The following MBTPS1 variants were observed in gnomAD, a reference collection of about 807,000 sequenced individuals.
The protein encoded by MBTPS1 is membrane-bound transcription factor site-1 protease.
A neutral mutation model predicts 127.8 loss-of-function variants in MBTPS1; 94 were observed. The observed-to-expected ratio is 0.74, with a 90% CI of 0.62 to 0.87. The LOEUF (loss-of-function observed/expected upper bound fraction) is 0.87, where lower values mean the gene tolerates loss of function less well. MBTPS1 is among the 40% of genes least tolerant of loss of function. The probability of loss-of-function intolerance (pLI) is 0.00; values close to 1 mark genes in which losing one functional copy is unlikely to be tolerated. For synonymous variants in MBTPS1, 632 were observed against 509.4 expected, an observed-to-expected ratio of 1.24 and a Z score of -3.24; for missense variants, 1,636 against 1,353.2, an observed-to-expected ratio of 1.21 and a Z score of -3.28.
At position 84,059,413 on chromosome 16, in the gene MBTPS1, C is replaced by T. The variant is rs746806114; in HGVS notation, c.2720G>A (p.Arg907Gln). 1.4e-5 allele frequency: 23 copies of T among 1,612,658 alleles called. No individual in the cohort carries two copies. The highest frequency in any genetic ancestry group is 2.7e-5 in the African/African-American group (2 of 74,826). ...PERMEGNHLH[R>Q]YSKVLEAHLG... ...ATGGGCCTCCAGAACCTTGGAGTAC[C>T]GATGAAGATGGTTTCCTGTGGTTAG... The change falls in exon 21 of 23, where the codon CGG becomes CAG. Residue 907 changes from arginine (R) to glutamine (Q), a missense_variant. Arg to Gln is a conservative substitution (Grantham distance 43, BLOSUM62 1). Coordinates refer to ENST00000343411, the MANE Select transcript of MBTPS1 (RefSeq NM_003791.4).
intron 19 of MBTPS1, among the ~76,000 whole-genome samples, chr16:84,062,611 C>T (rs1038854274): frequency 3.9e-5 from 6 of 152,150 alleles, no homozygotes; most frequent in South Asian, 4.1e-4. Context: ...TAGAAGGTTG[C>T]CTTTCAGTCC....
intron 1 of MBTPS1, among the ~76,000 whole-genome samples, chr16:84,113,318 C>T (rs1008798021): frequency 6.6e-6 from 1 of 152,178 alleles, no homozygotes; most frequent in Non-Finnish European, 1.5e-5. Context: ...ACCTGGTTAT[C>T]TTTCCATATA....
At position 84,061,086 on chromosome 16, in the gene MBTPS1, G is replaced by A. The variant is rs145452769; in HGVS notation, c.2573-273C>T. 125 of 238,666 alleles carry A rather than the reference G, an allele frequency of 5.2e-4. 2 individuals carry two copies. Among genetic ancestry groups the A allele is most frequent in the African/African-American group, 2.6e-3 (115 of 44,756 alleles). The allele number at this position is 238,666 out of a possible 1,614,324, so 14.8% of individuals were successfully genotyped here. On this transcript the variant is annotated intron_variant, in intron 19 of 22. Transcript: ENST00000343411. ...TCTTGCCTCAGCCTCCCAAAGTGCT[G>A]GGATTATAGGTGTGAGCCACCACAC...
At position 84,099,127 on chromosome 16, in the gene MBTPS1, G is replaced by A. The variant is rs772793815; in HGVS notation, c.347C>T (p.Thr116Ile). The A allele has an allele frequency of 1.9e-6, 3 of 1,614,160 alleles. No homozygotes were observed. Among genetic ancestry groups the A allele is most frequent in the East Asian group, 2.2e-5 (1 of 44,882 alleles). The change falls in exon 3 of 23, where the codon ACA (threonine) becomes ATA (isoleucine). Residue 116 changes from threonine (T) to isoleucine (I), a missense_variant. Thr to Ile is a moderately conservative substitution (Grantham distance 89). Transcript: ENST00000343411. ...TTTGATGTTTGGATGATCTTCAAGT[G>A]TTAGCAGCCCCGCTTTCTGTTTTTC... ...IKEKQKAGLL[T>I]LEDHPNIKRV...
intron 2 of MBTPS1, 138 bp from the exon 3 acceptor site, chr16:84,099,448 A>G (rs2086224562): frequency 1.2e-6 from 1 of 852,630 alleles, no homozygotes; most frequent in South Asian, 1.8e-5. Flanking sequence ...CACAAAGACT[A>G]GTTTAAGTAC....
chr16:84,087,581 T>C, intron 8 of MBTPS1, 121 bp from the exon 9 acceptor site: 2 of 649,910 alleles, frequency 3.1e-6, no homozygotes, highest in South Asian at 3.9e-5. Context: ...CTGTATGAGC[T>C]GCTTCTGTGG....
In MBTPS1 at chr16:84,087,473, C is replaced by CAAAAAAAAAAAAAAAAAAAAA; in HGVS notation, c.1032-14_1032-13insTTTTTTTTTTTTTTTTTTTTT. 4 of 1,036,174 alleles carry CAAAAAAAAAAAAAAAAAAAAA rather than the reference C, an allele frequency of 3.9e-6. No homozygotes were observed. Among genetic ancestry groups the CAAAAAAAAAAAAAAAAAAAAA allele is most frequent in the East Asian group, 2.5e-5 (1 of 39,308 alleles). 64.2% of individuals were successfully genotyped at this position (1,036,174 alleles called of 1,614,324 possible). On this transcript the variant is annotated splice_polypyrimidine_tract_variant and intron_variant, in intron 8 of 22. Transcript: ENST00000343411. ...GTTATTCAGAGTGCTATATTGAGACCAAAAAAAAAAAAAAAGAAAAGAAAA... is the reference window on the plus strand; with the variant it reads ...GTTATTCAGAGTGCTATATTGAGACCAAAAAAAAAAAAAAAAAAAAAAAAAAAAAAAAAAAAGAAAAGAAAA...
At chr16:84,065,493 T>A (rs770267675) in intron 18 of MBTPS1, among the ~76,000 whole-genome samples, 197 bp downstream of exon 18, 2 of 152,198 alleles carry the variant, frequency 1.3e-5, no homozygotes, top group Non-Finnish European at 2.9e-5. Context: ...TAGACAATGG[T>A]GATGGTTCCA....
chr16:84,056,315 G>A (rs549106739), intron 21 of MBTPS1, 180 bp from the exon 22 acceptor site: 8 of 544,648 alleles, frequency 1.5e-5, no homozygotes, highest in African/African-American at 9.4e-5. Context: ...CCGTTTCCAC[G>A]TCCCGAGGGA....
chr16:84,092,230 A>C (rs1457005409), intron 6 of MBTPS1, among the ~76,000 whole-genome samples: 1 of 152,220 alleles, frequency 6.6e-6, no homozygotes, highest in Non-Finnish European at 1.5e-5. Context: ...AGTTCAACTT[A>C]TCTATCTAAC....
In MBTPS1 at chr16:84,054,103, G is replaced by C. The variant is rs981426518; in HGVS notation, c.*346C>G. ...CCTTTAACAAGCGTCTTTTAGCTTGGTCAGGGTTGTATCATTTGTTTGGAA... is the reference window on the plus strand; with the variant it reads ...CCTTTAACAAGCGTCTTTTAGCTTGCTCAGGGTTGTATCATTTGTTTGGAA... On this transcript the variant is annotated 3_prime_UTR_variant, in exon 23 of 23. Transcript: ENST00000343411. The C allele has an allele frequency of 5.2e-6, 1 of 191,866 alleles. No homozygotes were observed. The highest frequency in any genetic ancestry group is 4.7e-4 in the Middle Eastern group (1 of 2,118). 11.9% of individuals were successfully genotyped at this position (191,866 alleles called of 1,614,324 possible).
chr16:84,062,127 T>C (rs957184885), intron 19 of MBTPS1, among the ~76,000 whole-genome samples: 3 of 152,150 alleles, frequency 2.0e-5, no homozygotes, highest in African/African-American at 7.2e-5. Flanking sequence ...TTTTATTTTA[T>C]TATTATTTTT....
At chr16:84,060,536 C>T in intron 20 of MBTPS1, 146 bp downstream of exon 20, 2 of 867,710 alleles carry the variant, frequency 2.3e-6, no homozygotes, top group Non-Finnish European at 3.5e-6. Context: ...CCGCTGAGTG[C>T]TGCTCTACCC....
chr16:84,116,540 A>C (rs1597363435), intron 1 of MBTPS1, among the ~76,000 whole-genome samples, 195 bp downstream of exon 1: 1 of 151,844 alleles, frequency 6.6e-6, no homozygotes, highest in African/African-American at 2.4e-5. Context: ...GAGCGCGCAG[A>C]CCCCCGCAGG....
intron 11 of MBTPS1, among the ~76,000 whole-genome samples, chr16:84,078,873 A>C (rs2085898217): frequency 6.6e-6 from 1 of 152,216 alleles, no homozygotes; most frequent in African/African-American, 2.4e-5. Context: ...ACCTGATGTC[A>C]TGGTTACCTA....
At chr16:84,074,538 G>C (rs2085822738) in intron 12 of MBTPS1, 59 bp downstream of exon 12, 2 of 1,561,376 alleles carry the variant, frequency 1.3e-6, no homozygotes, top group African/African-American at 1.4e-5. Flanking sequence ...TGGCCTAAAG[G>C]TCTGGGCTGT....
At chr16:84,115,341 C>T (rs377422790) in intron 1 of MBTPS1, among the ~76,000 whole-genome samples, 2 of 152,326 alleles carry the variant, frequency 1.3e-5, no homozygotes. Flanking sequence ...ATAGAAAGGA[C>T]CAACTCTTGA....
At position 84,074,635 on chromosome 16, in the gene MBTPS1, G is replaced by C. The variant is rs770673100; in HGVS notation, c.1555C>G (p.Leu519Val). ...GMPTVVNVTI[L>V]NGMGVTGRIV... ...CTTCCTGTGACTCCCATGCCGTTGA[G>C]GATGGTGACATTAACAACTGTCGGC... The change falls in exon 12 of 23, where the codon CTC (leucine) becomes GTC (valine). Residue 519 changes from leucine (L) to valine (V), a missense_variant. By Grantham distance (32) the Leu-to-Val change is conservative. Transcript: ENST00000343411. The C allele has an allele frequency of 6.2e-7, 1 of 1,614,132 alleles. No individual in the cohort carries two copies. Among genetic ancestry groups the C allele is most frequent in the East Asian group, 2.2e-5 (1 of 44,882 alleles).
chr16:84,111,575 G>A (rs1210655008), intron 1 of MBTPS1, among the ~76,000 whole-genome samples: 1 of 151,966 alleles, frequency 6.6e-6, no homozygotes, highest in Non-Finnish European at 1.5e-5. Flanking sequence ...CAATCAAGAG[G>A]TTGAGATAAT....
Sources: allele counts gnomAD v4.1 joint callset (sites outside exome capture counted in the v4.1 genomes callset), GRCh38; gene constraint gnomAD v4.1.1; transcripts MANE v1.5; gene names NCBI Gene and HGNC (gene_info 2026-07-23, HGNC 2026-07-21).